The following URI1 variants were observed in gnomAD, a reference collection of about 807,000 sequenced individuals.
The protein encoded by URI1 is unconventional prefoldin RPB5 interactor 1.
In URI1, 39 loss-of-function variants were observed where a neutral mutation model predicts 60.2. The ratio of observed to expected loss-of-function variants is 0.65; its 90% CI spans 0.50 to 0.85. URI1 has a LOEUF of 0.85. URI1 is among the 40% of genes least tolerant of loss of function. The pLI is 0.00. For synonymous variants in URI1, 251 were observed against 236.8 expected (o/e 1.06, Z -0.55); for missense variants, 691 against 665.9 (o/e 1.04, Z -0.42).
At chr19:29,983,592 TTC>T (rs1356188653) in intron 2 of URI1, among the ~76,000 whole-genome samples, 3 of 152,112 alleles carry the variant, frequency 2.0e-5, no homozygotes, top group African/African-American at 7.2e-5. Flanking sequence ...GAATTTTTGT[TTC>T]TGTTATTTTT....
chr19:29,939,877 G>C (rs373298362), upstream of URI1, among the ~76,000 whole-genome samples: 2 of 152,252 alleles, frequency 1.3e-5, no homozygotes, highest in East Asian at 3.9e-4. Flanking sequence ...TTGGAGGTGG[G>C]GAAGGTGGGT....
chr19:29,924,069 G>T (rs890361768), intron 1 of URI1, among the ~76,000 whole-genome samples: 7 of 152,138 alleles, frequency 4.6e-5, no homozygotes, highest in African/African-American at 1.7e-4. Flanking sequence ...GATGTCCCAG[G>T]TCCAGAAGAG....
In URI1 at chr19:30,015,418, T is replaced by C. The variant is rs1246157674; in HGVS notation, c.*349T>C. The C allele has an allele frequency of 2.0e-5, 29 of 1,458,636 alleles. No individual in the cohort carries two copies. The highest frequency in any genetic ancestry group is 2.5e-5 in the Non-Finnish European group (28 of 1,114,290). 90.4% of individuals were successfully genotyped at this position (1,458,636 alleles called of 1,614,324 possible). On this transcript the variant is annotated 3_prime_UTR_variant, in exon 11 of 11. Coordinates refer to ENST00000392271, the MANE Select transcript of URI1 (RefSeq NM_003796.3). ...AGGCAGTTTTGTGCCAGCTGTGATA[T>C]TGTGCATACCATATGGACCATTTTA...
chr19:29,947,950 G>T (rs760756686), intron 1 of URI1, among the ~76,000 whole-genome samples: 2 of 152,138 alleles, frequency 1.3e-5, no homozygotes, highest in African/African-American at 2.4e-5. Context: ...CCTGGAATTG[G>T]CTTTGTATAT....
chr19:29,939,229 G>A (rs1013419960), upstream of URI1, among the ~76,000 whole-genome samples: 1 of 148,282 alleles, frequency 6.7e-6, no homozygotes, highest in Non-Finnish European at 1.5e-5. Context: ...TGCCTGCCTT[G>A]GCCTCCCAAA....
intron 1 of URI1, among the ~76,000 whole-genome samples, chr19:29,948,577 A>G (rs2055130763): frequency 6.6e-6 from 1 of 151,960 alleles, no homozygotes; most frequent in Non-Finnish European, 1.5e-5. Context: ...GCATCTGTTT[A>G]ACAAAGCACA....
At chr19:29,988,167 C>CAA (rs34327695) in intron 4 of URI1, among the ~76,000 whole-genome samples, 6,551 of 140,400 alleles carry the variant, frequency 0.047, 413 homozygotes, top group African/African-American at 0.14. Flanking sequence ...AATTTTGTCT[C>CAA]AAAAAAAAAA....
intron 1 of URI1, among the ~76,000 whole-genome samples, chr19:29,963,820 C>T (rs2055356242): frequency 6.6e-6 from 1 of 152,196 alleles, no homozygotes; most frequent in South Asian, 2.1e-4. Context: ...AGTAAGCCAT[C>T]TGCTGCTTCT....
chr19:30,001,796 T>C (rs2055881907), intron 4 of URI1, among the ~76,000 whole-genome samples: 1 of 151,988 alleles, frequency 6.6e-6, no homozygotes, highest in Non-Finnish European at 1.5e-5. Context: ...TTCTTGTCTA[T>C]TTTCTCTTCA....
chr19:30,015,127 GTATC>G lies in URI1; in HGVS notation c.*62_*65del. ...AAACCTAGTTGTTCATTTGTTTAGA[GTATC>G]TATAGCAAAATAGGTTACATGTAGT... On this transcript the variant is annotated 3_prime_UTR_variant, in exon 11 of 11. Transcript: ENST00000392271. 1 of 1,569,874 alleles carries G rather than the reference GTATC, an allele frequency of 6.4e-7. No individual in the cohort carries two copies. Among genetic ancestry groups the G allele is most frequent in the Non-Finnish European group, 8.6e-7 (1 of 1,161,426 alleles).
intron 1 of URI1, among the ~76,000 whole-genome samples, chr19:29,963,852 G>C (rs1204961127): frequency 6.6e-6 from 1 of 152,110 alleles, no homozygotes; most frequent in African/African-American, 2.4e-5. Flanking sequence ...GCTTTCATCT[G>C]GAAGCTTGAT....
chr19:29,943,807 T>G (rs1169905494), intron 1 of URI1, among the ~76,000 whole-genome samples: 1 of 152,054 alleles, frequency 6.6e-6, no homozygotes, highest in Non-Finnish European at 1.5e-5. Flanking sequence ...ACGCAACTGT[T>G]AGGTTTGGAA....
rs2056076529 is a variant in URI1 at position 30,015,594 on chromosome 19, CTT to C, written c.*527_*528del. 1 of 1,529,140 alleles carries C rather than the reference CTT, an allele frequency of 6.5e-7. No individual in the cohort carries two copies. 94.7% of individuals were successfully genotyped at this position (1,529,140 alleles called of 1,614,324 possible). A position where few individuals can be genotyped will look rare whatever the true frequency, so the allele number is the denominator to read the frequency against. ...GCCCCTCTGAATGTCATACTGTAAT[CTT>C]TAAGGAAGAAAGCTACATGAATTAA... On this transcript the variant is annotated 3_prime_UTR_variant, in exon 11 of 11. Transcript: ENST00000392271.
chr19:29,977,495 A>G (rs181146025), intron 2 of URI1, among the ~76,000 whole-genome samples: 369 of 151,382 alleles, frequency 2.4e-3, no homozygotes, highest in Non-Finnish European at 3.2e-3. Context: ...ACTGACTACA[A>G]AGTTTTCAGT....
Position 30,007,496 on chromosome 19 carries a change from C to T in URI1, c.544C>T (p.His182Tyr), listed in dbSNP as rs762053490. 1.2e-5 allele frequency: 20 copies of T among 1,612,984 alleles called. No homozygotes were observed. The Middle Eastern group carries it at 4.9e-4, about 40-fold the overall frequency. ...AAAACACCGAATTGCTCATAAACCG[C>T]ATTCCAAACCAAAAACTTCAGATAT... ...KAKHRIAHKP[H>Y]SKPKTSDIFE... The change falls in exon 7 of 11, where the codon CAT becomes TAT. Residue 182 changes from histidine (H) to tyrosine (Y), a missense_variant. His to Tyr is a moderately conservative substitution (Grantham distance 83). Transcript: ENST00000392271.
chr19:30,011,736 T>C (rs2056023125), intron 9 of URI1, among the ~76,000 whole-genome samples: 1 of 151,910 alleles, frequency 6.6e-6, no homozygotes, highest in African/African-American at 2.4e-5. Context: ...AATGTATACG[T>C]GGGTCTAAAA....
intron 1 of URI1, among the ~76,000 whole-genome samples, chr19:29,963,819 T>C (rs1281960664): frequency 1.3e-5 from 2 of 152,202 alleles, no homozygotes; most frequent in Non-Finnish European, 2.9e-5. Flanking sequence ...TAGTAAGCCA[T>C]CTGCTGCTTC....
chr19:29,966,538 G>A (rs1487653841), intron 1 of URI1, among the ~76,000 whole-genome samples: 1 of 152,088 alleles, frequency 6.6e-6, no homozygotes, highest in Non-Finnish European at 1.5e-5. Flanking sequence ...TCCCTTATTT[G>A]CAAAGGGGTT....
intron 1 of URI1, among the ~76,000 whole-genome samples, chr19:29,968,980 G>T (rs1199928218): frequency 6.6e-6 from 1 of 151,566 alleles, no homozygotes; most frequent in Non-Finnish European, 1.5e-5. Flanking sequence ...TTTTCTGCAA[G>T]TAGGTGGACC....
Sources: gnomAD v4.1 joint callset for allele counts (sites outside exome capture counted in the v4.1 genomes callset) on GRCh38, gnomAD v4.1.1 for gene constraint, MANE v1.5 for transcripts, NCBI Gene and HGNC (gene_info 2026-07-23, HGNC 2026-07-21) for gene names.